ZCCHC17: variants seen among roughly 807,000 people sequenced by gnomAD.
The protein encoded by ZCCHC17 is zinc finger CCHC domain-containing protein 17.
Under a neutral mutation model 30.6 loss-of-function variants are expected in ZCCHC17, and 18 were observed. That is an observed-to-expected ratio of 0.59 (90% CI 0.41 to 0.87). The LOEUF is 0.87. ZCCHC17 is among the 40% of genes least tolerant of loss of function. The probability of loss-of-function intolerance (pLI) is 0.00; values close to 1 mark genes in which losing one functional copy is unlikely to be tolerated. For missense variants in ZCCHC17, 263 were observed against 284.2 expected (o/e 0.93, Z 0.54); for synonymous variants, 88 against 92.4 (o/e 0.95, Z 0.27).
intron 1 of ZCCHC17, among the ~76,000 whole-genome samples, chr1:31,302,388 A>G (rs1339472502): frequency 1.3e-5 from 2 of 152,090 alleles, no homozygotes; most frequent in African/African-American, 4.8e-5. Context: ...TCATTTAAAA[A>G]AAACTGAGTA....
Position 31,364,144 on chromosome 1 carries a change from C to T in ZCCHC17, c.677C>T (p.Ala226Val), listed in dbSNP as rs867992620. 1.9e-5 allele frequency: 31 copies of T among 1,613,622 alleles called. No homozygotes were observed. In the East Asian group the frequency reaches 6.7e-4, roughly 35 times the overall value. The change falls in exon 8 of 8, where the codon GCA becomes GTA. Residue 226 changes from alanine to valine, a missense_variant. Coordinates refer to ENST00000344147, the MANE Select transcript of ZCCHC17 (RefSeq NM_016505.4). ...CACACATCAAAAGACAGCAAGGCAG[C>T]AAAGAAGAAGAAAAAGAAGAAGAAG... ...ARHTSKDSKA[A>V]KKKKKKKKHK... is the part of the protein sequence containing the mutation.
chr1:31,340,367 G>T (rs996044987), intron 5 of ZCCHC17, among the ~76,000 whole-genome samples: 1 of 146,184 alleles, frequency 6.8e-6, no homozygotes, highest in Non-Finnish European at 1.5e-5. Context: ...GCCCAGGCCG[G>T]AGTGCAATGG....
intron 7 of ZCCHC17, among the ~76,000 whole-genome samples, chr1:31,359,038 A>G (rs533620146): frequency 1.3e-5 from 2 of 152,334 alleles, no homozygotes; most frequent in South Asian, 2.1e-4. Flanking sequence ...AATGTGTTCT[A>G]GGTAAGATGG....
intron 3 of ZCCHC17, among the ~76,000 whole-genome samples, chr1:31,335,033 A>G (rs982544989): frequency 7.9e-5 from 12 of 152,300 alleles, no homozygotes; most frequent in Non-Finnish European, 4.4e-5. Flanking sequence ...ATTTTGGCCA[A>G]TCTTGTCAGG....
intron 6 of ZCCHC17, chr1:31,346,958 C>T: frequency 4.0e-6 from 4 of 995,742 alleles, no homozygotes; most frequent in Non-Finnish European, 5.7e-6. Context: ...TATACCACTA[C>T]CACCACTCCT....
At chr1:31,362,755 T>C (rs2148488911) in intron 7 of ZCCHC17, among the ~76,000 whole-genome samples, 1 of 152,336 alleles carries the variant, frequency 6.6e-6, no homozygotes. Flanking sequence ...ACCTTGGATA[T>C]GTGAGTCACT....
intron 5 of ZCCHC17, among the ~76,000 whole-genome samples, chr1:31,343,846 ATTTTTTT>A (rs71569979): frequency 5.9e-4 from 48 of 80,750 alleles, no homozygotes; most frequent in African/African-American, 2.9e-3. Context: ...TGCCCCACTA[ATTTTTTT>A]TTTTTTTTTT....
chr1:31,360,145 AATTTTG>A (rs1639816048), intron 7 of ZCCHC17, among the ~76,000 whole-genome samples: 1 of 151,198 alleles, frequency 6.6e-6, no homozygotes, highest in Non-Finnish European at 1.5e-5. Flanking sequence ...ACGCCCGGCT[AATTTTG>A]TTTTTGTGTG....
chr1:31,317,327 C>T (rs1018402753), intron 2 of ZCCHC17, among the ~76,000 whole-genome samples: 2 of 152,074 alleles, frequency 1.3e-5, no homozygotes, highest in Non-Finnish European at 2.9e-5. Flanking sequence ...GCCTGGCCTC[C>T]CTAACTCTCA....
At chr1:31,339,548 C>G (rs1299956739) in intron 5 of ZCCHC17, among the ~76,000 whole-genome samples, 1 of 152,124 alleles carries the variant, frequency 6.6e-6, no homozygotes, top group Non-Finnish European at 1.5e-5. Flanking sequence ...TAGTTAACAC[C>G]TTGCTGCATA....
At chr1:31,321,657 G>T (rs966543663) in intron 3 of ZCCHC17, among the ~76,000 whole-genome samples, 1 of 152,122 alleles carries the variant, frequency 6.6e-6, no homozygotes, top group Non-Finnish European at 1.5e-5. Flanking sequence ...AGTAGAGGCA[G>T]GGTTTTGCCA....
chr1:31,348,609 C>G (rs371758625), intron 6 of ZCCHC17, among the ~76,000 whole-genome samples: 1 of 152,146 alleles, frequency 6.6e-6, no homozygotes, highest in African/African-American at 2.4e-5. Context: ...ACCAGTGTTC[C>G]CCACAGCCCT....
At chr1:31,322,070 A>G (rs1057089894) in intron 3 of ZCCHC17, among the ~76,000 whole-genome samples, 6 of 152,230 alleles carry the variant, frequency 3.9e-5, no homozygotes, top group African/African-American at 1.4e-4. Flanking sequence ...ATACATACAC[A>G]TACAGAAACA....
chr1:31,364,338 A>T lies in ZCCHC17; in HGVS notation c.*145A>T. ...GGGAGATGGCTTCCCCTCATGCAAC[A>T]GGCAGGTTTGGGAGTTAGAGGTCAA... On this transcript the variant is annotated 3_prime_UTR_variant, in exon 8 of 8. Transcript: ENST00000344147. 1 of 1,403,220 alleles carries T rather than the reference A, an allele frequency of 7.1e-7. No individual in the cohort carries two copies. Among genetic ancestry groups the T allele is most frequent in the Non-Finnish European group, 9.4e-7 (1 of 1,063,522 alleles). 86.9% of individuals were successfully genotyped at this position (1,403,220 alleles called of 1,614,324 possible). A position where few individuals can be genotyped will look rare whatever the true frequency, so the allele number is the denominator to read the frequency against.
chr1:31,328,954 C>A (rs1222353633), intron 3 of ZCCHC17, among the ~76,000 whole-genome samples: 1 of 151,940 alleles, frequency 6.6e-6, no homozygotes, highest in Non-Finnish European at 1.5e-5. Flanking sequence ...ATCAGTTGAG[C>A]CGTCCAGGAG....
intron 2 of ZCCHC17, among the ~76,000 whole-genome samples, chr1:31,310,625 C>T (rs1646577874): frequency 6.6e-6 from 1 of 152,208 alleles, no homozygotes; most frequent in Non-Finnish European, 1.5e-5. Flanking sequence ...TGGGATGACA[C>T]AACAAGAAGA....
chr1:31,357,258 C>T (rs1038880864), intron 7 of ZCCHC17, among the ~76,000 whole-genome samples: 2 of 152,280 alleles, frequency 1.3e-5, no homozygotes, highest in Non-Finnish European at 2.9e-5. Context: ...AGAAAGGTTG[C>T]CAGTCCTGAG....
chr1:31,314,167 C>A (rs973795234), intron 2 of ZCCHC17, among the ~76,000 whole-genome samples: 3 of 152,050 alleles, frequency 2.0e-5, no homozygotes, highest in Non-Finnish European at 4.4e-5. Flanking sequence ...GCCTGGCCAC[C>A]TACAGCTTTC....
intron 7 of ZCCHC17, among the ~76,000 whole-genome samples, chr1:31,362,405 T>C (rs1349208184): frequency 6.6e-6 from 1 of 152,200 alleles, no homozygotes; most frequent in African/African-American, 2.4e-5. Flanking sequence ...ACAGAGGCAA[T>C]ATAGGTATTT....
Sources: allele counts gnomAD v4.1 joint callset (sites outside exome capture counted in the v4.1 genomes callset), GRCh38; gene constraint gnomAD v4.1.1; transcripts MANE v1.5; gene names NCBI Gene and HGNC (gene_info 2026-07-23, HGNC 2026-07-21).